PTPRC: variants seen among roughly 807,000 people sequenced by gnomAD.
PTPRC encodes receptor-type tyrosine-protein phosphatase C.
In PTPRC, 44 loss-of-function variants were observed where a neutral mutation model predicts 155.9. That is an observed-to-expected ratio of 0.28 (90% CI 0.22 to 0.36). PTPRC has a LOEUF of 0.36. Among genes scored for constraint, PTPRC ranks in the 10% least tolerant of loss-of-function variants. The probability of loss-of-function intolerance (pLI) is 1.00; values close to 1 mark genes in which losing one functional copy is unlikely to be tolerated. For missense variants in PTPRC, 1,401 were observed against 1,564.6 expected (o/e 0.90, Z 1.76); for synonymous variants, 525 against 533.1 (o/e 0.98, Z 0.21).
At chr1:198,668,551 A>G (rs1664453528) in intron 2 of PTPRC, among the ~76,000 whole-genome samples, 4 of 152,186 alleles carry the variant, frequency 2.6e-5, no homozygotes, top group African/African-American at 9.6e-5. Flanking sequence ...CACTATAAGG[A>G]ATTAACAGTA....
intron 15 of PTPRC, among the ~76,000 whole-genome samples, chr1:198,727,506 C>T (rs980935619): frequency 6.6e-5 from 10 of 152,010 alleles, no homozygotes; most frequent in Non-Finnish European, 1.0e-4. Flanking sequence ...TCCCAGCCAC[C>T]GTGCTACGTG....
chr1:198,756,294 A>G lies in PTPRC; in HGVS notation c.*113A>G, dbSNP rs898342806. On this transcript the variant is annotated 3_prime_UTR_variant, in exon 33 of 33. Transcript: ENST00000442510. ...TGGATTAATTAAATGCAGCGAACCA[A>G]TATTTGTAGAAGGGTTATATTTTAC... 36 of 1,341,128 alleles carry G rather than the reference A, an allele frequency of 2.7e-5. No individual in the cohort carries two copies. The highest frequency in any genetic ancestry group is 6.2e-5 in the Admixed American group (3 of 48,132). The allele number at this position is 1,341,128 out of a possible 1,614,324, so 83.1% of individuals were successfully genotyped here.
chr1:198,690,516 GA>G (rs1443064380), intron 2 of PTPRC, among the ~76,000 whole-genome samples: 1 of 151,788 alleles, frequency 6.6e-6, no homozygotes, highest in Non-Finnish European at 1.5e-5. Flanking sequence ...GAGAAAACAA[GA>G]AAGTCATTAT....
At chr1:198,677,950 T>C (rs967322677) in intron 2 of PTPRC, among the ~76,000 whole-genome samples, 3 of 152,144 alleles carry the variant, frequency 2.0e-5, no homozygotes, top group African/African-American at 4.8e-5. Context: ...GGGATGTATA[T>C]TTCCAGGTAC....
chr1:198,681,128 C>T (rs1279169501), intron 2 of PTPRC, among the ~76,000 whole-genome samples: 1 of 151,876 alleles, frequency 6.6e-6, no homozygotes, highest in Non-Finnish European at 1.5e-5. Flanking sequence ...GAAGAGCTGG[C>T]CCAATATGAA....
intron 2 of PTPRC, among the ~76,000 whole-genome samples, chr1:198,672,635 ATT>A (rs545141740): frequency 3.0e-4 from 43 of 141,318 alleles, no homozygotes; most frequent in Non-Finnish European, 4.5e-4. Flanking sequence ...ATGCCCAGCT[ATT>A]TTTTTTTTTT....
At chr1:198,713,462 C>T (rs1005541643) in intron 12 of PTPRC, among the ~76,000 whole-genome samples, 17 of 152,224 alleles carry the variant, frequency 1.1e-4, no homozygotes, top group South Asian at 4.1e-4. Context: ...AAACTTGTTT[C>T]AGCTAATAAT....
chr1:198,643,816 CA>C (rs1406042205), intron 2 of PTPRC, among the ~76,000 whole-genome samples: 1 of 151,884 alleles, frequency 6.6e-6, no homozygotes, highest in African/African-American at 2.4e-5. Context: ...CCAGTCATGG[CA>C]ATTGCTGGTT....
At chr1:198,727,112 C>T (rs189302961) in intron 15 of PTPRC, among the ~76,000 whole-genome samples, 20 of 152,204 alleles carry the variant, frequency 1.3e-4, no homozygotes, top group African/African-American at 3.9e-4. Context: ...CCACACGCCT[C>T]GGCCTCCCAA....
At chr1:198,690,678 C>G (rs1472575079) in intron 2 of PTPRC, among the ~76,000 whole-genome samples, 1 of 151,998 alleles carries the variant, frequency 6.6e-6, no homozygotes, top group Non-Finnish European at 1.5e-5. Flanking sequence ...GTTTTCACAT[C>G]AGTTTGTTCT....
At chr1:198,714,228 ATC>A (rs1653453749) in intron 12 of PTPRC, among the ~76,000 whole-genome samples, 1 of 151,708 alleles carries the variant, frequency 6.6e-6, no homozygotes, top group Non-Finnish European at 1.5e-5. Context: ...TCTATTCACT[ATC>A]CCTTTCTGCA....
At chr1:198,684,736 T>C (rs1422243714) in intron 2 of PTPRC, among the ~76,000 whole-genome samples, 1 of 152,056 alleles carries the variant, frequency 6.6e-6, no homozygotes, top group Non-Finnish European at 1.5e-5. Context: ...TGTTGCTTTT[T>C]ATAACCTCTT....
intron 3 of PTPRC, chr1:198,692,840 A>G (rs1410758384): frequency 2.2e-6 from 2 of 898,152 alleles, no homozygotes; most frequent in Non-Finnish European, 2.7e-6. Flanking sequence ...GACTATTGAG[A>G]TATTTTTAAA....
At chr1:198,673,870 A>G (rs1664790399) in intron 2 of PTPRC, among the ~76,000 whole-genome samples, 1 of 152,164 alleles carries the variant, frequency 6.6e-6, no homozygotes, top group Non-Finnish European at 1.5e-5. Context: ...AATTTAAGAA[A>G]TTGAAATTTT....
chr1:198,716,927 C>A (rs142786791), intron 13 of PTPRC, 87 bp downstream of exon 13: 1 of 1,274,860 alleles, frequency 7.8e-7, no homozygotes, highest in Non-Finnish European at 1.1e-6. Context: ...TATCTTTATT[C>A]TAGCAAGCAC....
At chr1:198,703,767 G>A in intron 7 of PTPRC, 1 of 231,116 alleles carries the variant, frequency 4.3e-6, no homozygotes, top group Non-Finnish European at 8.7e-6. Flanking sequence ...AAAGGAAAGA[G>A]AAACTGAGGA....
chr1:198,715,383 G>A (rs1241454881), intron 12 of PTPRC, among the ~76,000 whole-genome samples: 1 of 151,992 alleles, frequency 6.6e-6, no homozygotes, highest in African/African-American at 2.4e-5. Flanking sequence ...GCCCGCCTCG[G>A]CCTCCCAAAG....
At chr1:198,696,466 A>G (rs1377590221) in intron 3 of PTPRC, among the ~76,000 whole-genome samples, 3 of 151,900 alleles carry the variant, frequency 2.0e-5, no homozygotes, top group Non-Finnish European at 4.4e-5. Flanking sequence ...CTGTGTCTAC[A>G]TATTATATGT....
At chr1:198,692,094 C>T (rs917954989) in intron 2 of PTPRC, among the ~76,000 whole-genome samples, 5 of 151,948 alleles carry the variant, frequency 3.3e-5, no homozygotes, top group Middle Eastern at 3.2e-3. Flanking sequence ...CAATAGTGAT[C>T]CTTTAGTCTG....
Sources: gnomAD v4.1 joint callset for allele counts (sites outside exome capture counted in the v4.1 genomes callset) on GRCh38, gnomAD v4.1.1 for gene constraint, MANE v1.5 for transcripts, NCBI Gene and HGNC (gene_info 2026-07-23, HGNC 2026-07-21) for gene names.